The following CNTNAP2 variants were observed in gnomAD, a reference collection of about 807,000 sequenced individuals.
CNTNAP2 encodes the protein contactin-associated protein-like 2.
In CNTNAP2, 98 loss-of-function variants were observed where a neutral mutation model predicts 155.2. That is an observed-to-expected ratio of 0.63 (90% CI 0.54 to 0.75). The LOEUF is 0.75. CNTNAP2 is among the 30% of genes least tolerant of loss of function. The pLI, the probability that CNTNAP2 is intolerant of heterozygous loss-of-function variation, is 0.00. For missense variants in CNTNAP2, 1,727 were observed against 1,688.1 expected (o/e 1.02, Z -0.40); for synonymous variants, 651 against 631.2 (o/e 1.03, Z -0.47).
intron 1 of CNTNAP2, among the ~76,000 whole-genome samples, chr7:146,358,355 C>T (rs570235564): frequency 2.0e-5 from 3 of 152,162 alleles, no homozygotes; most frequent in South Asian, 2.1e-4. Context: ...ATTTATGATC[C>T]GTAGGCATCA....
At position 148,059,846 on chromosome 7, in the gene CNTNAP2, A is replaced by T. The variant is rs539398145; in HGVS notation, c.2384-58272A>T. ...ACTAAGTTAGAATATATCTAATGCA[A>T]ATTAATACTTGAGTGCATATTAAGA... On this transcript the variant is annotated intron_variant, in intron 15 of 23. Transcript: ENST00000361727. Among the ~76,000 whole-genome samples, 7 of 151,724 alleles carry T rather than the reference A, an allele frequency of 4.6e-5. No individual in the cohort carries two copies. In the East Asian group the frequency reaches 1.4e-3, roughly 29 times the overall value.
At chr7:148,066,774 A>G (rs1803274278) in intron 15 of CNTNAP2, among the ~76,000 whole-genome samples, 1 of 152,182 alleles carries the variant, frequency 6.6e-6, no homozygotes, top group South Asian at 2.1e-4. Flanking sequence ...CTAGGATTAC[A>G]GGCGTGAGCC....
chr7:148,003,772 T>C (rs1449441008), intron 15 of CNTNAP2, among the ~76,000 whole-genome samples: 1 of 152,240 alleles, frequency 6.6e-6, no homozygotes, highest in African/African-American at 2.4e-5. Flanking sequence ...TTAGTTTCCT[T>C]AGAAATAAAT....
chr7:147,331,993 A>G (rs1427362117), intron 9 of CNTNAP2, among the ~76,000 whole-genome samples: 1 of 152,224 alleles, frequency 6.6e-6, no homozygotes, highest in Admixed American at 6.5e-5. Flanking sequence ...AGCTGTTCTC[A>G]GCTGCCCTCT....
At chr7:146,219,752 A>G (rs1240658318) in intron 1 of CNTNAP2, among the ~76,000 whole-genome samples, 7 of 152,242 alleles carry the variant, frequency 4.6e-5, no homozygotes, top group Non-Finnish European at 1.0e-4. Context: ...ATGTTTTAAC[A>G]TACTGTGACC....
At chr7:146,348,634 T>C (rs1053859539) in intron 1 of CNTNAP2, among the ~76,000 whole-genome samples, 1 of 152,064 alleles carries the variant, frequency 6.6e-6, no homozygotes, top group African/African-American at 2.4e-5. Flanking sequence ...ATGGTATATA[T>C]TTAAATCACA....
intron 3 of CNTNAP2, among the ~76,000 whole-genome samples, chr7:146,900,763 G>T (rs1007019291): frequency 6.6e-6 from 1 of 152,036 alleles, no homozygotes; most frequent in Non-Finnish European, 1.5e-5. Context: ...ATTGCTATCC[G>T]AGCGCAGAAT....
intron 14 of CNTNAP2, among the ~76,000 whole-genome samples, chr7:147,977,308 A>C (rs1009692318): frequency 6.6e-6 from 1 of 152,220 alleles, no homozygotes; most frequent in Non-Finnish European, 1.5e-5. Context: ...TTCATTGTAG[A>C]TGGAAATAGA....
At chr7:146,441,633 C>T (rs1230802745) in intron 1 of CNTNAP2, among the ~76,000 whole-genome samples, 1 of 151,430 alleles carries the variant, frequency 6.6e-6, no homozygotes. Flanking sequence ...TGAGGAAGGT[C>T]CTCTTTGCTC....
intron 18 of CNTNAP2, among the ~76,000 whole-genome samples, chr7:148,207,882 G>C (rs1795477674): frequency 6.6e-6 from 1 of 152,126 alleles, no homozygotes; most frequent in East Asian, 1.9e-4. Context: ...CGGATCACGA[G>C]GTCAGGAGAT....
At chr7:148,310,367 G>T (rs2116516113) in intron 21 of CNTNAP2, among the ~76,000 whole-genome samples, 1 of 152,348 alleles carries the variant, frequency 6.6e-6, no homozygotes, top group Admixed American at 6.5e-5. Context: ...CGGTTTTGGA[G>T]GACAACTGCA....
rs146115887 is a variant in CNTNAP2, at chr7:147,318,310, C to T, written c.1498+18020C>T. 1.8e-3 allele frequency among the ~76,000 whole-genome samples: 267 copies of T among 152,052 alleles called. 1 individual carries two copies. The highest frequency in any genetic ancestry group is 6.2e-3 in the African/African-American group (258 of 41,462). On this transcript the variant is annotated intron_variant, in intron 9 of 23. Transcript: ENST00000361727. Reference sequence around the variant, plus strand: ...TACAAAAATTAGCTGGGCATGGGTACGCGCACCTGAAGTCCCAGCTACTTG... The same window carrying T: ...TACAAAAATTAGCTGGGCATGGGTATGCGCACCTGAAGTCCCAGCTACTTG...
chr7:146,761,602 C>T (rs921142730), intron 1 of CNTNAP2, among the ~76,000 whole-genome samples: 4 of 151,978 alleles, frequency 2.6e-5, no homozygotes, highest in Non-Finnish European at 5.9e-5. Context: ...GATATTGACT[C>T]TGTTGCCTGG....
At chr7:146,138,859 G>A (rs1463435692) in intron 1 of CNTNAP2, among the ~76,000 whole-genome samples, 3 of 150,952 alleles carry the variant, frequency 2.0e-5, no homozygotes, top group Non-Finnish European at 2.9e-5. Flanking sequence ...CAACCACAGT[G>A]TAAAAATAAT....
chr7:146,475,013 G>GCGCGCGCACACACACACA (rs71525954), intron 1 of CNTNAP2, among the ~76,000 whole-genome samples: 4 of 144,304 alleles, frequency 2.8e-5, no homozygotes, highest in African/African-American at 1.0e-4. Context: ...GCGCGCGCGC[G>GCGCGCGCACACACACACA]CACACACACA....
chr7:148,137,226 T>C lies in CNTNAP2; in HGVS notation c.2555-10265T>C, dbSNP rs77581388. ...CTCATTTCTAATATTCATTACTAAG[T>C]AGACGATAAAGATCAAGTTAAGCAT... On this transcript the variant is annotated intron_variant, in intron 16 of 23. Transcript: ENST00000361727. 6.2e-3 allele frequency among the ~76,000 whole-genome samples: 939 copies of C among 152,332 alleles called. 10 individuals carry two copies. Among genetic ancestry groups the C allele is most frequent in the African/African-American group, 0.022 (895 of 41,574 alleles).
intron 1 of CNTNAP2, among the ~76,000 whole-genome samples, chr7:146,676,419 A>C (rs1320269916): frequency 6.7e-6 from 1 of 150,110 alleles, no homozygotes; most frequent in Non-Finnish European, 1.5e-5. Context: ...TGTACACTCC[A>C]ATTTGTGGCA....
intron 10 of CNTNAP2, among the ~76,000 whole-genome samples, chr7:147,399,196 A>G (rs1796872740): frequency 6.6e-6 from 1 of 152,152 alleles, no homozygotes; most frequent in South Asian, 2.1e-4. Flanking sequence ...CAAGCCCTCC[A>G]GACTTGTAGG....
intron 21 of CNTNAP2, among the ~76,000 whole-genome samples, chr7:148,340,640 G>A (rs1798212068): frequency 6.6e-5 from 10 of 152,176 alleles, no homozygotes; most frequent in Admixed American, 5.9e-4. Flanking sequence ...CACTTCAGAC[G>A]TTCACAGCTT....
Sources: gnomAD v4.1 joint callset for allele counts (sites outside exome capture counted in the v4.1 genomes callset) on GRCh38, gnomAD v4.1.1 for gene constraint, MANE v1.5 for transcripts, NCBI Gene and HGNC (gene_info 2026-07-23, HGNC 2026-07-21) for gene names.